Variants in SLC25A21 observed in about 807,000 individuals in gnomAD.
The protein encoded by SLC25A21 is mitochondrial 2-oxodicarboxylate carrier.
Under a neutral mutation model 43.8 loss-of-function variants are expected in SLC25A21, and 47 were observed. That is an observed-to-expected ratio of 1.07 (90% CI 0.85 to 1.37). The LOEUF (loss-of-function observed/expected upper bound fraction) is 1.37, where lower values mean the gene tolerates loss of function less well. Ranked by LOEUF, SLC25A21 falls within the 40% of genes most tolerant of loss-of-function variation. The pLI, the probability that SLC25A21 is intolerant of heterozygous loss-of-function variation, is 0.00. For missense variants in SLC25A21, 352 were observed against 350.2 expected (o/e 1.00, Z -0.04); for synonymous variants, 131 against 121.3 (o/e 1.08, Z -0.52).
Position 36,678,993 on chromosome 14 carries a change from T to C in SLC25A21, c.*1665A>G. The C allele has an allele frequency of 3.1e-6, 3 of 970,304 alleles. No individual in the cohort carries two copies. Among genetic ancestry groups the C allele is most frequent in the Non-Finnish European group, 1.2e-6 (1 of 825,466 alleles). 60.1% of individuals were successfully genotyped at this position (970,304 alleles called of 1,614,324 possible). On this transcript the variant is annotated 3_prime_UTR_variant, in exon 10 of 10. Coordinates refer to ENST00000331299, the MANE Select transcript of SLC25A21 (RefSeq NM_030631.4). ...ATGTTGACATATTTCCTCTATCTCA[T>C]AGATGGTAAAAGTGTTGCTTTTAAA...
intron 3 of SLC25A21, among the ~76,000 whole-genome samples, chr14:36,763,951 C>T (rs763665294): frequency 2.0e-5 from 3 of 150,004 alleles, no homozygotes; most frequent in Non-Finnish European, 3.0e-5. Flanking sequence ...ATTGCTTGAA[C>T]CCAGAAGGTG....
intron 3 of SLC25A21, among the ~76,000 whole-genome samples, chr14:36,748,132 T>C (rs1475968880): frequency 1.3e-5 from 2 of 152,238 alleles, no homozygotes; most frequent in African/African-American, 4.8e-5. Flanking sequence ...TCTATTTGAC[T>C]CCAAAACCTC....
chr14:36,927,312 C>T (rs904386777), intron 1 of SLC25A21, among the ~76,000 whole-genome samples: 2 of 152,164 alleles, frequency 1.3e-5, no homozygotes, highest in Non-Finnish European at 2.9e-5. Context: ...TTACTGAATT[C>T]ATAAAACCGT....
chr14:36,935,001 T>G (rs1474228087), intron 1 of SLC25A21, among the ~76,000 whole-genome samples: 3 of 152,104 alleles, frequency 2.0e-5, no homozygotes, highest in Non-Finnish European at 2.9e-5. Context: ...CTTTATCTTT[T>G]TTTTTTTGAG....
chr14:37,078,656 T>C (rs1962329624), intron 1 of SLC25A21, among the ~76,000 whole-genome samples: 1 of 152,192 alleles, frequency 6.6e-6, no homozygotes. Flanking sequence ...TAAAGATCCC[T>C]ATCTCCAAAG....
Position 36,942,166 on chromosome 14 carries a change from C to T in SLC25A21, c.71-67162G>A, listed in dbSNP as rs544672098. 3.9e-5 allele frequency among the ~76,000 whole-genome samples: 6 copies of T among 152,144 alleles called. No individual in the cohort carries two copies. In the South Asian group the frequency reaches 8.3e-4, roughly 21 times the overall value. On this transcript the variant is annotated intron_variant, in intron 1 of 9. Coordinates refer to ENST00000331299, the MANE Select transcript of SLC25A21 (RefSeq NM_030631.4). ...GAGTTTGAACTAAAAAAAAAAATCA[C>T]CTAGCTGTTTCTAATGACTTAAATT...
At chr14:36,901,854 A>G (rs1385668648) in intron 1 of SLC25A21, among the ~76,000 whole-genome samples, 1 of 152,186 alleles carries the variant, frequency 6.6e-6, no homozygotes, top group African/African-American at 2.4e-5. Context: ...CTTCATTCTG[A>G]ATGTTCACTT....
intron 4 of SLC25A21, 24 bp from the exon 5 acceptor site, chr14:36,729,590 A>G (rs754890046): frequency 6.3e-6 from 10 of 1,593,542 alleles, no homozygotes; most frequent in Non-Finnish European, 7.7e-6. Flanking sequence ...CCAAACTCAC[A>G]GATTTATAAC....
At chr14:36,978,381 TA>T (rs1343146752) in intron 1 of SLC25A21, among the ~76,000 whole-genome samples, 1 of 152,152 alleles carries the variant, frequency 6.6e-6, no homozygotes, top group Non-Finnish European at 1.5e-5. Context: ...GTGTTATGCC[TA>T]AAAAAATGAT....
intron 1 of SLC25A21, among the ~76,000 whole-genome samples, chr14:37,071,845 T>C (rs1962179818): frequency 6.6e-6 from 1 of 152,132 alleles, no homozygotes; most frequent in Admixed American, 6.6e-5. Context: ...TACTAATTAG[T>C]TGGAAGGCCA....
At chr14:37,113,367 G>A (rs1242606667) in intron 1 of SLC25A21, among the ~76,000 whole-genome samples, 1 of 152,090 alleles carries the variant, frequency 6.6e-6, no homozygotes, top group Non-Finnish European at 1.5e-5. Context: ...CATTCCTCAT[G>A]ACAATAAAAT....
chr14:36,767,693 C>T (rs1365656560), intron 3 of SLC25A21, among the ~76,000 whole-genome samples: 3 of 152,178 alleles, frequency 2.0e-5, no homozygotes, highest in African/African-American at 7.2e-5. Context: ...CCTCCCAATC[C>T]ATTATGCTAA....
In SLC25A21 at chr14:36,725,319, T is replaced by C. The variant is rs375025035; in HGVS notation, c.438+251A>G. ...AGAAACCCTGTCTCTACAAAAAATATACAAAATTAGCTGGGTGTGGTGGTG... is the reference window on the plus strand; with the variant it reads ...AGAAACCCTGTCTCTACAAAAAATACACAAAATTAGCTGGGTGTGGTGGTG... On this transcript the variant is annotated intron_variant, in intron 6 of 9. Transcript: ENST00000331299. 1.3e-4 allele frequency: 22 copies of C among 163,096 alleles called. No individual in the cohort carries two copies. In the East Asian group the frequency reaches 3.0e-3, roughly 22 times the overall value. 10.1% of individuals were successfully genotyped at this position (163,096 alleles called of 1,614,324 possible).
intron 1 of SLC25A21, among the ~76,000 whole-genome samples, chr14:36,888,574 T>C (rs371131040): frequency 1.3e-5 from 2 of 152,078 alleles, no homozygotes; most frequent in South Asian, 2.1e-4. Flanking sequence ...ATATGTGAGA[T>C]ATGTAATGTG....
intron 3 of SLC25A21, among the ~76,000 whole-genome samples, chr14:36,783,330 T>C (rs1385500022): frequency 6.6e-6 from 1 of 151,930 alleles, no homozygotes; most frequent in African/African-American, 2.4e-5. Context: ...ACAGGTGAGG[T>C]GTACCAAGTG....
Position 36,821,196 on chromosome 14 carries a change from C to A in SLC25A21, c.120-7195G>T, listed in dbSNP as rs116376521. Among the ~76,000 whole-genome samples the A allele has an allele frequency of 5.2e-3, 788 of 152,236 alleles. 7 individuals are homozygous for A. The highest frequency in any genetic ancestry group is 0.018 in the African/African-American group (736 of 41,536). ...AGCACATCTTCAGAAGAATTCCCAC[C>A]ATGTATGTTTCTTTCCCATTTTCTG... On this transcript the variant is annotated intron_variant, in intron 2 of 9. Transcript: ENST00000331299.
chr14:37,072,179 C>CAAA (rs36060373), intron 1 of SLC25A21, among the ~76,000 whole-genome samples: 5,389 of 78,786 alleles, frequency 0.068, 696 homozygotes, highest in African/African-American at 0.24. Context: ...GAGACTGTCT[C>CAAA]AAAAAAAAAA....
chr14:37,019,980 A>C lies in SLC25A21; in HGVS notation c.71-144976T>G, dbSNP rs79955935. On this transcript the variant is annotated intron_variant, in intron 1 of 9. Coordinates refer to ENST00000331299, the MANE Select transcript of SLC25A21 (RefSeq NM_030631.4). ...CCTCACTAATAAAATAAATATAGGCAATCTAAACATGTGAGATAAAATAAG... is the reference window on the plus strand; with the variant it reads ...CCTCACTAATAAAATAAATATAGGCCATCTAAACATGTGAGATAAAATAAG... Among the ~76,000 whole-genome samples, 2,442 of 152,108 alleles carry C rather than the reference A, an allele frequency of 0.016. 173 individuals carry two copies. The East Asian group carries it at 0.25, about 16-fold the overall frequency.
intron 2 of SLC25A21, among the ~76,000 whole-genome samples, chr14:36,838,255 GGTCACAT>G (rs1170289707): frequency 6.6e-6 from 1 of 152,130 alleles, no homozygotes; most frequent in Admixed American, 6.6e-5. Context: ...AGAACAGAGG[GGTCACAT>G]GTCTGTACAT....
Sources: allele counts gnomAD v4.1 joint callset (sites outside exome capture counted in the v4.1 genomes callset), GRCh38; gene constraint gnomAD v4.1.1; transcripts MANE v1.5; gene names NCBI Gene and HGNC (gene_info 2026-07-23, HGNC 2026-07-21).